The following STON2 variants were observed in gnomAD, a reference collection of about 807,000 sequenced individuals.
STON2 encodes the protein stonin-2.
A neutral mutation model predicts 65.7 loss-of-function variants in STON2; 29 were observed. The ratio of observed to expected loss-of-function variants is 0.44; its 90% confidence interval spans 0.33 to 0.60. The LOEUF (loss-of-function observed/expected upper bound fraction) is 0.60, where lower values mean the gene tolerates loss of function less well. Among genes scored for constraint, STON2 ranks in the 20% least tolerant of loss-of-function variants. The probability of loss-of-function intolerance (pLI) is 0.03; values close to 1 mark genes in which losing one functional copy is unlikely to be tolerated. For missense variants in STON2, 1,054 were observed against 1,118.1 expected (o/e 0.94, Z 0.82); for synonymous variants, 404 against 414.2 (o/e 0.98, Z 0.30).
Position 81,433,092 on chromosome 14 carries a change from C to T in STON2, c.-310+3229G>A, listed in dbSNP as rs146357697. On this transcript the variant is annotated intron_variant, in intron 1 of 8. Transcript: ENST00000553821. Reference sequence around the variant, plus strand: ...ATTTTCTCAATCCCTCCAAGTGATTCGGATGCACACTAAAGTTTGAGATCC... The same window carrying T: ...ATTTTCTCAATCCCTCCAAGTGATTTGGATGCACACTAAAGTTTGAGATCC... 1.7e-4 allele frequency among the ~76,000 whole-genome samples: 26 copies of T among 152,298 alleles called. No homozygotes were observed. The East Asian group carries it at 4.6e-3, about 27-fold the overall frequency.
chr14:81,312,148 A>C (rs1307201187), intron 5 of STON2, among the ~76,000 whole-genome samples: 1 of 152,210 alleles, frequency 6.6e-6, no homozygotes, highest in Non-Finnish European at 1.5e-5. Context: ...TGATTGTCTT[A>C]GTCATTTTCT....
chr14:81,333,459 C>A, intron 4 of STON2: 1 of 278,514 alleles, frequency 3.6e-6, no homozygotes, highest in Non-Finnish European at 6.8e-6. Context: ...GAAATCGTTA[C>A]TGTTATGGCT....
intron 6 of STON2, among the ~76,000 whole-genome samples, chr14:81,274,908 A>C (rs940381195): frequency 3.3e-5 from 5 of 152,134 alleles, no homozygotes; most frequent in Non-Finnish European, 7.4e-5. Flanking sequence ...TCATTTCAAA[A>C]AAACAAACAA....
chr14:81,349,315 G>GA (rs1897936303), intron 4 of STON2, among the ~76,000 whole-genome samples: 1 of 152,060 alleles, frequency 6.6e-6, no homozygotes, highest in Non-Finnish European at 1.5e-5. Context: ...TATTGAATGG[G>GA]AAAAAACATT....
At chr14:81,347,615 T>TA (rs55784716) in intron 4 of STON2, among the ~76,000 whole-genome samples, 51,350 of 72,634 alleles carry the variant, frequency 0.71, 19,676 homozygotes, top group Non-Finnish European at 0.83. Flanking sequence ...AAGAAGACAG[T>TA]AAAAAAAAAA....
chr14:81,318,558 A>T (rs566973835), intron 5 of STON2, among the ~76,000 whole-genome samples: 2 of 152,352 alleles, frequency 1.3e-5, no homozygotes, highest in Non-Finnish European at 2.9e-5. Context: ...TCACACTAAA[A>T]AAGTGAAATA....
chr14:81,406,796 T>C (rs1900887272), intron 2 of STON2, among the ~76,000 whole-genome samples: 1 of 152,222 alleles, frequency 6.6e-6, no homozygotes, highest in African/African-American at 2.4e-5. Context: ...AAGCTCTGCA[T>C]GGTTTCAGTG....
chr14:81,316,569 A>G (rs1896628627), intron 5 of STON2, among the ~76,000 whole-genome samples: 1 of 152,212 alleles, frequency 6.6e-6, no homozygotes, highest in Non-Finnish European at 1.5e-5. Flanking sequence ...AAAAACAAGA[A>G]GATAGGTGGC....
chr14:81,436,426 G>GC (rs1902431762), exon 1 of STON2: 4 of 151,636 alleles, frequency 2.6e-5, no homozygotes, highest in African/African-American at 9.6e-5. Context: ...CTCTCGCCAC[G>GC]ATCCCTCCCG....
intron 5 of STON2, among the ~76,000 whole-genome samples, chr14:81,299,884 A>T (rs200611784): frequency 0.012 from 1,730 of 149,270 alleles, 22 homozygotes; most frequent in African/African-American, 0.026. Flanking sequence ...TGGAAAAAAA[A>T]TTTTTTTTTT....
At chr14:81,362,954 A>G (rs980670137) in intron 4 of STON2, among the ~76,000 whole-genome samples, 14 of 152,218 alleles carry the variant, frequency 9.2e-5, no homozygotes, top group South Asian at 2.1e-4. Context: ...TAAGCACATG[A>G]TGGGGGTTTG....
chr14:81,295,715 C>A (rs1412457179), intron 5 of STON2, among the ~76,000 whole-genome samples: 1 of 152,214 alleles, frequency 6.6e-6, no homozygotes, highest in Non-Finnish European at 1.5e-5. Context: ...GAATCTAAGG[C>A]ATTCACATAT....
intron 3 of STON2, among the ~76,000 whole-genome samples, chr14:81,386,586 G>A (rs1324258231): frequency 6.6e-6 from 1 of 152,198 alleles, no homozygotes; most frequent in Non-Finnish European, 1.5e-5. Context: ...GGGAATACTA[G>A]TGTTTTGCTT....
chr14:81,270,631 T>C, intron 7 of STON2, 39 bp downstream of exon 7: 1 of 1,614,000 alleles, frequency 6.2e-7, no homozygotes. Flanking sequence ...GGTGAACAAA[T>C]GGAGTTGGAA....
At chr14:81,268,539 GA>G (rs1566878403) in intron 7 of STON2, 42 bp from the exon 8 acceptor site, 1 of 1,285,640 alleles carries the variant, frequency 7.8e-7, no homozygotes, top group South Asian at 1.2e-5. Flanking sequence ...AAAAAGAAGA[GA>G]AAAAGCATGC....
At chr14:81,417,216 A>G (rs960795104) in intron 2 of STON2, among the ~76,000 whole-genome samples, 2 of 152,100 alleles carry the variant, frequency 1.3e-5, no homozygotes, top group Non-Finnish European at 2.9e-5. Flanking sequence ...GGTGCCATTC[A>G]CACAATGCGA....
chr14:81,296,725 T>G (rs1485276437), intron 5 of STON2, among the ~76,000 whole-genome samples: 2 of 152,250 alleles, frequency 1.3e-5, no homozygotes, highest in Middle Eastern at 3.4e-3. Context: ...CTCAAAGACT[T>G]TTTAAGAACA....
At chr14:81,331,069 A>C (rs922000768) in intron 4 of STON2, among the ~76,000 whole-genome samples, 1 of 152,248 alleles carries the variant, frequency 6.6e-6, no homozygotes. Context: ...ATGGGTCAAA[A>C]GCACCTGAGA....
rs777941504 is a variant in STON2, at chr14:81,278,748, A to G, written c.743-9T>C. On this transcript the variant is annotated splice_polypyrimidine_tract_variant and intron_variant, in intron 5 of 7. Coordinates refer to ENST00000614646, the MANE Select transcript of STON2 (RefSeq NM_001394390.1). ...AAGCGAGGAGGAATTGTCTAAAAGGAAAAGGAGAACATATGAGCTACTGTT... is the reference window on the plus strand; with the variant it reads ...AAGCGAGGAGGAATTGTCTAAAAGGGAAAGGAGAACATATGAGCTACTGTT... 1.5e-5 allele frequency: 22 copies of G among 1,509,148 alleles called. No homozygotes were observed. The South Asian group carries it at 2.6e-4, about 18-fold the overall frequency. The allele number at this position is 1,509,148 out of a possible 1,614,324, so 93.5% of individuals were successfully genotyped here. A position where few individuals can be genotyped will look rare whatever the true frequency, so the allele number is the denominator to read the frequency against.
Sources: allele counts gnomAD v4.1 joint callset (sites outside exome capture counted in the v4.1 genomes callset), GRCh38; gene constraint gnomAD v4.1.1; transcripts MANE v1.5; gene names NCBI Gene and HGNC (gene_info 2026-07-23, HGNC 2026-07-21).